MIPOL1: variants seen among roughly 807,000 people sequenced by gnomAD.
The protein encoded by MIPOL1 is mirror-image polydactyly gene 1 protein.
A neutral mutation model predicts 60.9 loss-of-function variants in MIPOL1; 57 were observed. That is an observed-to-expected ratio of 0.94 (90% CI 0.76 to 1.17). The LOEUF is 1.17. Ranked by LOEUF, MIPOL1 falls within the 50% of genes most tolerant of loss-of-function variation. The pLI, the probability that MIPOL1 is intolerant of heterozygous loss-of-function variation, is 0.00. For missense variants in MIPOL1, 551 were observed against 511.6 expected (o/e 1.08, Z -0.74); for synonymous variants, 179 against 168.8 (o/e 1.06, Z -0.47).
At chr14:37,528,762 T>C (rs2095463108) in intron 12 of MIPOL1, among the ~76,000 whole-genome samples, 1 of 152,188 alleles carries the variant, frequency 6.6e-6, no homozygotes, top group African/African-American at 2.4e-5. Flanking sequence ...ATGCTTTTTT[T>C]ATAACTTTCA....
rs909511790 is a variant in MIPOL1, at chr14:37,550,657, T to C, written c.*3686T>C. Reference sequence around the variant, plus strand: ...GCTTTTAAACAAATACATGGAATGGTTGAAAGATTTATTTTGCTCGTGCTT... The same window carrying C: ...GCTTTTAAACAAATACATGGAATGGCTGAAAGATTTATTTTGCTCGTGCTT... On this transcript the variant is annotated 3_prime_UTR_variant, in exon 13 of 13. Transcript: ENST00000684589. The C allele has an allele frequency of 2.0e-5, 3 of 152,490 alleles. No homozygotes were observed. Among genetic ancestry groups the C allele is most frequent in the African/African-American group, 7.2e-5 (3 of 41,444 alleles). 9.4% of individuals were successfully genotyped at this position (152,490 alleles called of 1,614,324 possible). A position where few individuals can be genotyped will look rare whatever the true frequency, so the allele number is the denominator to read the frequency against.
chr14:37,394,620 T>C (rs1387604824), intron 10 of MIPOL1, among the ~76,000 whole-genome samples: 1 of 152,176 alleles, frequency 6.6e-6, no homozygotes, highest in African/African-American at 2.4e-5. Flanking sequence ...GTTTGTTTTT[T>C]TTCTTACTGA....
chr14:37,310,955 C>T (rs2087265497), intron 9 of MIPOL1, among the ~76,000 whole-genome samples: 1 of 152,158 alleles, frequency 6.6e-6, no homozygotes, highest in African/African-American at 2.4e-5. Flanking sequence ...AGTCTCAAAT[C>T]TCCATTTTGT....
intron 10 of MIPOL1, among the ~76,000 whole-genome samples, chr14:37,377,219 T>G (rs994057300): frequency 2.6e-5 from 4 of 152,164 alleles, no homozygotes; most frequent in Non-Finnish European, 5.9e-5. Context: ...CTGGAAAAGT[T>G]AAATACTTTC....
chr14:37,353,607 A>T (rs1424656624), intron 9 of MIPOL1, among the ~76,000 whole-genome samples: 3 of 151,298 alleles, frequency 2.0e-5, no homozygotes, highest in South Asian at 2.1e-4. Flanking sequence ...CTATTCAGAG[A>T]TTCAACTTCT....
At chr14:37,295,311 C>A (rs917986115) in intron 7 of MIPOL1, among the ~76,000 whole-genome samples, 17 of 152,204 alleles carry the variant, frequency 1.1e-4, no homozygotes, top group East Asian at 1.9e-4. Context: ...GAAGCACTAA[C>A]CATGGAAAGG....
At chr14:37,492,512 A>T (rs565588071) in intron 11 of MIPOL1, among the ~76,000 whole-genome samples, 1 of 152,308 alleles carries the variant, frequency 6.6e-6, no homozygotes, top group South Asian at 2.1e-4. Context: ...ACTCCTTTTA[A>T]AAATTATACA....
chr14:37,323,382 T>A (rs1447598467), intron 9 of MIPOL1, among the ~76,000 whole-genome samples: 1 of 152,122 alleles, frequency 6.6e-6, no homozygotes, highest in Admixed American at 6.6e-5. Context: ...ACTGTAACCT[T>A]GTAGTATAGT....
intron 9 of MIPOL1, among the ~76,000 whole-genome samples, chr14:37,360,650 G>T (rs1046654338): frequency 6.6e-6 from 1 of 150,702 alleles, no homozygotes; most frequent in African/African-American, 2.4e-5. Context: ...ATTTGTGTGG[G>T]ATCGGTGGTG....
At chr14:37,446,467 C>G (rs1039080087) in intron 11 of MIPOL1, among the ~76,000 whole-genome samples, 1 of 152,144 alleles carries the variant, frequency 6.6e-6, no homozygotes, top group East Asian at 1.9e-4. Flanking sequence ...CACTTTTACA[C>G]TGTTGATGGG....
intron 3 of MIPOL1, among the ~76,000 whole-genome samples, chr14:37,258,047 G>A (rs1975251375): frequency 6.6e-6 from 1 of 152,082 alleles, no homozygotes; most frequent in African/African-American, 2.4e-5. Context: ...TTATTAATTT[G>A]TGTGATCAAG....
intron 11 of MIPOL1, among the ~76,000 whole-genome samples, chr14:37,461,155 T>C (rs530320864): frequency 6.6e-6 from 1 of 152,186 alleles, no homozygotes; most frequent in Non-Finnish European, 1.5e-5. Context: ...TGTATTAGTC[T>C]GTTTTCACAC....
intron 12 of MIPOL1, among the ~76,000 whole-genome samples, chr14:37,526,949 A>G (rs74463024): frequency 0.01 from 1,566 of 152,304 alleles, 29 homozygotes; most frequent in African/African-American, 0.035. Flanking sequence ...GTAAGTTGTT[A>G]GCCTTCCAGT....
At chr14:37,353,693 T>A (rs1277485804) in intron 9 of MIPOL1, among the ~76,000 whole-genome samples, 1 of 152,154 alleles carries the variant, frequency 6.6e-6, no homozygotes, top group Non-Finnish European at 1.5e-5. Context: ...TTTATTTGCG[T>A]AGAGGTGTTT....
intron 3 of MIPOL1, among the ~76,000 whole-genome samples, chr14:37,257,959 C>A (rs1209016635): frequency 6.6e-6 from 1 of 152,124 alleles, no homozygotes; most frequent in Non-Finnish European, 1.5e-5. Flanking sequence ...CAGTTCACAA[C>A]CTGACCTTTT....
intron 1 of MIPOL1, among the ~76,000 whole-genome samples, chr14:37,217,510 C>G (rs548915756): frequency 1.6e-4 from 24 of 152,286 alleles, no homozygotes; most frequent in Non-Finnish European, 2.6e-4. Flanking sequence ...AATACTAAAA[C>G]CGAGTTCAGC....
At chr14:37,495,889 C>A (rs2095119741) in intron 11 of MIPOL1, among the ~76,000 whole-genome samples, 1 of 149,662 alleles carries the variant, frequency 6.7e-6, no homozygotes, top group South Asian at 2.1e-4. Context: ...TGATGATGAG[C>A]ATTTTTTCAT....
chr14:37,321,472 C>G (rs918636614), intron 9 of MIPOL1, among the ~76,000 whole-genome samples: 2 of 151,892 alleles, frequency 1.3e-5, no homozygotes, highest in Non-Finnish European at 2.9e-5. Context: ...CTATTTCAAT[C>G]CTTAGAAATT....
At chr14:37,306,204 C>G (rs182845545) in intron 7 of MIPOL1, among the ~76,000 whole-genome samples, 2 of 151,860 alleles carry the variant, frequency 1.3e-5, no homozygotes, top group East Asian at 3.9e-4. Context: ...TAAAGTAATG[C>G]TTTACATTGC....
Sources: gnomAD v4.1 joint callset for allele counts (sites outside exome capture counted in the v4.1 genomes callset) on GRCh38, gnomAD v4.1.1 for gene constraint, MANE v1.5 for transcripts, NCBI Gene and HGNC (gene_info 2026-07-23, HGNC 2026-07-21) for gene names.